Variants in PHACTR1 observed in about 807,000 individuals in gnomAD.
PHACTR1 encodes the protein RPEL repeat containing 1.
Under a neutral mutation model 69.2 loss-of-function variants are expected in PHACTR1, and 16 were observed. The ratio of observed to expected loss-of-function variants is 0.23; its 90% confidence interval spans 0.16 to 0.35. The LOEUF (loss-of-function observed/expected upper bound fraction) is 0.35. PHACTR1 is among the 10% of genes least tolerant of loss of function. The probability of loss-of-function intolerance (pLI) is 1.00; values close to 1 mark genes in which losing one functional copy is unlikely to be tolerated. For synonymous variants in PHACTR1, 312 were observed against 284.5 expected (o/e 1.10, Z -0.97); for missense variants, 510 against 734.7 (o/e 0.69, Z 3.54).
chr6:13,265,181 A>G (rs1013514730), intron 10 of PHACTR1, among the ~76,000 whole-genome samples: 3 of 151,902 alleles, frequency 2.0e-5, no homozygotes, highest in Non-Finnish European at 2.9e-5. Flanking sequence ...GCCCTCTCCA[A>G]TCTGGCTTCT....
chr6:13,283,308 T>A lies in PHACTR1; in HGVS notation c.1510-114T>A. 1 of 985,658 alleles carries A rather than the reference T, an allele frequency of 1.0e-6. No homozygotes were observed. The highest frequency in any genetic ancestry group is 1.4e-5 in the South Asian group (1 of 70,814). The allele number at this position is 985,658 out of a possible 1,614,324, so 61.1% of individuals were successfully genotyped here. On this transcript the variant is annotated intron_variant, in intron 12 of 14. Coordinates refer to ENST00000332995, the MANE Select transcript of PHACTR1 (RefSeq NM_030948.6). This position sits in a 1 kb window ranked among gnomAD's most constrained non-coding sequence, Gnocchi z 4.7. ...CCCCTGCCCCTCACTCACTATGCGA[T>A]GCATCCATCGCCTCACTGAACCTTA...
intron 5 of PHACTR1, among the ~76,000 whole-genome samples, chr6:13,086,083 T>TAAAAAAAAAA (rs776154642): frequency 5.0e-4 from 30 of 60,268 alleles, no homozygotes; most frequent in African/African-American, 2.4e-3. Flanking sequence ...TACACATTTC[T>TAAAAAAAAAA]AAAAAAAAAA....
chr6:13,155,798 G>C (rs1242748017), intron 5 of PHACTR1, among the ~76,000 whole-genome samples: 1 of 151,856 alleles, frequency 6.6e-6, no homozygotes, highest in African/African-American at 2.4e-5. Context: ...TGAGGCAGGA[G>C]AATCACTTGA....
intron 4 of PHACTR1, among the ~76,000 whole-genome samples, chr6:13,003,951 C>CTGTATATATATATATATATATATATATA (rs1554190240): frequency 1.1e-5 from 1 of 93,548 alleles, no homozygotes; most frequent in Non-Finnish European, 2.0e-5. Flanking sequence ...AGTAGTATTC[C>CTGTATATATATATATATATATATATATA]TATATATATA....
At chr6:12,983,833 G>T (rs528671911) in intron 4 of PHACTR1, among the ~76,000 whole-genome samples, 1 of 152,160 alleles carries the variant, frequency 6.6e-6, no homozygotes, top group Non-Finnish European at 1.5e-5. Flanking sequence ...TGCTGAGAAT[G>T]ATGGTTTCCA....
chr6:12,857,080 G>T (rs1780453837), intron 4 of PHACTR1, among the ~76,000 whole-genome samples: 3 of 152,078 alleles, frequency 2.0e-5, no homozygotes, highest in Non-Finnish European at 4.4e-5. Context: ...CACAGAACCT[G>T]GAAAAAACAA....
intron 4 of PHACTR1, chr6:12,957,255 CAAAAA>C (rs35500368): frequency 2.5e-4 from 69 of 272,128 alleles, no homozygotes; most frequent in African/African-American, 1.0e-3. Flanking sequence ...AACAAATACT[CAAAAA>C]AAAAAAAAAA....
intron 4 of PHACTR1, among the ~76,000 whole-genome samples, chr6:13,050,807 C>G (rs185475833): frequency 6.6e-6 from 1 of 152,306 alleles, no homozygotes; most frequent in East Asian, 1.9e-4. Context: ...CATGTAAAAT[C>G]ATCACATTGA....
At chr6:13,006,660 T>TACACACACAC (rs71819721) in intron 4 of PHACTR1, among the ~76,000 whole-genome samples, 29 of 149,716 alleles carry the variant, frequency 1.9e-4, no homozygotes, top group African/African-American at 7.1e-4. Context: ...TGATATATGA[T>TACACACACAC]ACACACACAC....
At chr6:13,278,096 G>A (rs1355353870) in intron 11 of PHACTR1, 172 bp from the exon 12 acceptor site, 4 of 556,304 alleles carry the variant, frequency 7.2e-6, no homozygotes, top group Non-Finnish European at 1.3e-5. Context: ...AACGCAGGTA[G>A]TTTGGAAAGC....
chr6:12,882,560 G>A (rs544920374), intron 4 of PHACTR1, among the ~76,000 whole-genome samples: 1 of 152,246 alleles, frequency 6.6e-6, no homozygotes, highest in East Asian at 1.9e-4. Flanking sequence ...CAATTTAGGG[G>A]CAAAATAAGA....
At position 12,965,125 on chromosome 6, in the gene PHACTR1, G is replaced by C. The variant is rs111716691; in HGVS notation, c.251-88240G>C. On this transcript the variant is annotated intron_variant, in intron 4 of 14. Transcript: ENST00000332995. ...ATGCTATGTAAATAGTTGTTATACTGTATTGTTTATTACATTTGTGTTATT... is the reference window on the plus strand; with the variant it reads ...ATGCTATGTAAATAGTTGTTATACTCTATTGTTTATTACATTTGTGTTATT... 9.3e-3 allele frequency among the ~76,000 whole-genome samples: 1,417 copies of C among 152,262 alleles called. 28 individuals carry two copies. Among genetic ancestry groups the C allele is most frequent in the African/African-American group, 0.032 (1,334 of 41,550 alleles).
intron 4 of PHACTR1, among the ~76,000 whole-genome samples, chr6:12,806,880 T>A (rs938993729): frequency 6.6e-6 from 1 of 152,330 alleles, no homozygotes; most frequent in Non-Finnish European, 1.5e-5. Flanking sequence ...ATTTTCAGAA[T>A]TGTGAATTTG....
intron 4 of PHACTR1, among the ~76,000 whole-genome samples, chr6:12,961,088 G>C (rs1307163669): frequency 6.6e-6 from 1 of 152,084 alleles, no homozygotes; most frequent in Non-Finnish European, 1.5e-5. Flanking sequence ...TTTCCTAAAA[G>C]GTTCTCTAGG....
intron 12 of PHACTR1, chr6:13,280,504 C>G (rs1291356641): frequency 1.2e-5 from 2 of 167,880 alleles, no homozygotes; most frequent in African/African-American, 4.8e-5. Flanking sequence ...TCCTCTTGAG[C>G]ATTTATCACA....
At chr6:12,772,613 GGT>G (rs1769532510) in intron 4 of PHACTR1, among the ~76,000 whole-genome samples, 3 of 152,108 alleles carry the variant, frequency 2.0e-5, no homozygotes, top group African/African-American at 7.2e-5. Context: ...CAGACCATAT[GGT>G]CCCCTTCTGC....
intron 4 of PHACTR1, among the ~76,000 whole-genome samples, chr6:13,027,684 T>C (rs1801892119): frequency 5.5e-5 from 1 of 18,244 alleles, no homozygotes; most frequent in African/African-American, 7.5e-5. Context: ...ATATGTGGAA[T>C]TTTTTTTTTG....
At chr6:13,065,484 C>T (rs965777881) in intron 5 of PHACTR1, among the ~76,000 whole-genome samples, 1 of 151,736 alleles carries the variant, frequency 6.6e-6, no homozygotes, top group African/African-American at 2.4e-5. Context: ...CATTGGTGTC[C>T]TTTGGGATTA....
intron 3 of PHACTR1, among the ~76,000 whole-genome samples, chr6:12,738,543 C>T (rs568977166): frequency 7.9e-5 from 12 of 152,290 alleles, no homozygotes; most frequent in East Asian, 1.9e-4. Context: ...TCCACGTTGA[C>T]GAGCCAGCTC....
Sources: allele counts gnomAD v4.1 joint callset (sites outside exome capture counted in the v4.1 genomes callset), GRCh38; gene constraint gnomAD v4.1.1; non-coding constraint Gnocchi (gnomAD v3.1); transcripts MANE v1.5; gene names NCBI Gene and HGNC (gene_info 2026-07-23, HGNC 2026-07-21).